GDPD1: variants seen among roughly 807,000 people sequenced by gnomAD.
GDPD1 encodes lysophospholipase D GDPD1.
Under a neutral mutation model 45.1 loss-of-function variants are expected in GDPD1, and 28 were observed. That is an observed-to-expected ratio of 0.62 (90% CI 0.46 to 0.85). The LOEUF is 0.85. GDPD1 is among the 40% of genes least tolerant of loss of function. GDPD1 has a pLI of 0.00. For synonymous variants in GDPD1, 139 were observed against 131.4 expected (o/e 1.06, Z -0.40); for missense variants, 256 against 364.8 (o/e 0.70, Z 2.43).
chr17:59,233,845 T>C (rs1568339409), intron 1 of GDPD1, among the ~76,000 whole-genome samples: 1 of 152,208 alleles, frequency 6.6e-6, no homozygotes. Flanking sequence ...TGGTTCAGTG[T>C]ACACAAACTT....
chr17:59,263,483 C>CTTTTTTTTTTTTTTTTTTTTTT (rs537639356), intron 6 of GDPD1, among the ~76,000 whole-genome samples: 3 of 120,320 alleles, frequency 2.5e-5, no homozygotes, highest in African/African-American at 9.4e-5. Flanking sequence ...TTTTCCTTTC[C>CTTTTTTTTTTTTTTTTTTTTTT]TTTTTTTTTT....
At chr17:59,231,173 T>C (rs2047086325) in intron 1 of GDPD1, among the ~76,000 whole-genome samples, 1 of 152,182 alleles carries the variant, frequency 6.6e-6, no homozygotes, top group Non-Finnish European at 1.5e-5. Context: ...TGTTACTCCT[T>C]GATAACTGTT....
Position 59,255,784 on chromosome 17 carries a change from T to TAC in GDPD1, c.368-1337_368-1336dup, listed in dbSNP as rs1555724179. 7.7e-3 allele frequency among the ~76,000 whole-genome samples: 444 copies of TAC among 57,982 alleles called. 16 individuals are homozygous for TAC. Among genetic ancestry groups the TAC allele is most frequent in the South Asian group, 0.023 (35 of 1,554 alleles). 38.0% of individuals were successfully genotyped at this position (57,982 alleles called of 152,430 possible). On this transcript the variant is annotated intron_variant, in intron 4 of 9. Coordinates refer to ENST00000284116, the MANE Select transcript of GDPD1 (RefSeq NM_182569.4). ...AAAAATATATATATATATATATATA[T>TAC]ACGCGTATATATGTATATATATATA...
chr17:59,272,219 C>A (rs941669239), intron 8 of GDPD1, among the ~76,000 whole-genome samples: 4 of 152,078 alleles, frequency 2.6e-5, no homozygotes, highest in Non-Finnish European at 5.9e-5. Flanking sequence ...GCAATGAATT[C>A]CTATCTTGCT....
At position 59,257,799 on chromosome 17, in the gene GDPD1, G is replaced by A. The variant is rs1161799106; in HGVS notation, c.535G>A (p.Gly179Ser). 6.2e-7 allele frequency: 1 copy of A among 1,605,312 alleles called. No individual in the cohort carries two copies. Among genetic ancestry groups the A allele is most frequent in the Non-Finnish European group, 8.5e-7 (1 of 1,176,228 alleles). The part of the protein sequence containing the change: ...RYNREHLTVW[G>S]NANYEIVEKC... ...TAATCGAGAACACTTAACAGTGTGG[G>A]GTAATGCCAATTATGAAATTGTAGA... The change falls in exon 6 of 10, where the codon GGT becomes AGT. Residue 179 changes from glycine (G) to serine (S), a missense_variant. Coordinates refer to ENST00000284116, the MANE Select transcript of GDPD1 (RefSeq NM_182569.4).
chr17:59,230,366 T>C (rs1435670442), intron 1 of GDPD1, among the ~76,000 whole-genome samples: 1 of 143,980 alleles, frequency 6.9e-6, no homozygotes, highest in Non-Finnish European at 1.5e-5. Flanking sequence ...AGGCCAGTTG[T>C]AGAATTTTTT....
chr17:59,236,187 A>G (rs1242710475), intron 2 of GDPD1, among the ~76,000 whole-genome samples: 1 of 152,194 alleles, frequency 6.6e-6, no homozygotes, highest in Non-Finnish European at 1.5e-5. Context: ...ACAATAAGTT[A>G]TTTTAAAGGA....
intron 6 of GDPD1, among the ~76,000 whole-genome samples, chr17:59,264,622 T>C (rs1379656420): frequency 6.6e-6 from 1 of 151,940 alleles, no homozygotes; most frequent in African/African-American, 2.4e-5. Flanking sequence ...CCTAACCCTG[T>C]TTTCCCATAA....
At position 59,255,813 on chromosome 17, in the gene GDPD1, G is replaced by A. The variant is rs796195479; in HGVS notation, c.368-1309G>A. On this transcript the variant is annotated intron_variant, in intron 4 of 9. Transcript: ENST00000284116. ...CGTATATATGTATATATATATATACGCGTATATATATATACGCGTATATAT... is the reference window on the plus strand; with the variant it reads ...CGTATATATGTATATATATATATACACGTATATATATATACGCGTATATAT... 2.7e-3 allele frequency among the ~76,000 whole-genome samples: 95 copies of A among 35,578 alleles called. 3 individuals are homozygous for A. The highest frequency in any genetic ancestry group is 0.014 in the African/African-American group (75 of 5,232). The allele number at this position is 35,578 out of a possible 152,430, so 23.3% of individuals were successfully genotyped here. A position where few individuals can be genotyped will look rare whatever the true frequency, so the allele number is the denominator to read the frequency against.
In GDPD1 at chr17:59,248,754, C is replaced by T; in HGVS notation, c.336C>T (p.Tyr112=). 6.2e-7 allele frequency: 1 copy of T among 1,603,670 alleles called. No homozygotes were observed. Among genetic ancestry groups the T allele is most frequent in the Non-Finnish European group, 8.5e-7 (1 of 1,174,734 alleles). Residue 112 remains tyrosine, a synonymous_variant, in exon 4 of 10, where the codon TAC becomes TAT. Coordinates refer to ENST00000284116, the MANE Select transcript of GDPD1 (RefSeq NM_182569.4). ...TCTTTTTAAAGGAGCTCCCACCTTACCTTGGCAAACTGGATGTCTCATTTC... is the reference window on the plus strand; with the variant it reads ...TCTTTTTAAAGGAGCTCCCACCTTATCTTGGCAAACTGGATGTCTCATTTC... The part of the protein sequence containing the change: ...SDLKYCELPP[Y]LGKLDVSFQR...
At chr17:59,245,073 A>T (rs1257868809) in intron 2 of GDPD1, among the ~76,000 whole-genome samples, 1 of 152,212 alleles carries the variant, frequency 6.6e-6, no homozygotes, top group Non-Finnish European at 1.5e-5. Flanking sequence ...AGAAGTGAAA[A>T]TGTAGTCCCT....
At chr17:59,248,615 G>A (rs2047230397) in intron 3 of GDPD1, 125 bp from the exon 4 acceptor site, 3 of 638,164 alleles carry the variant, frequency 4.7e-6, no homozygotes, top group Non-Finnish European at 8.2e-6. Flanking sequence ...TCTGCTAAGG[G>A]TGCCTAGTAA....
intron 1 of GDPD1, among the ~76,000 whole-genome samples, chr17:59,222,541 TTTCCC>T (rs2047014644): frequency 7.8e-6 from 1 of 128,946 alleles, no homozygotes; most frequent in Admixed American, 8.5e-5. Flanking sequence ...TGAGACAGAG[TTTCCC>T]TCTTGTCGCC....
chr17:59,269,024 C>T (rs1299771194), intron 7 of GDPD1, among the ~76,000 whole-genome samples: 5 of 151,306 alleles, frequency 3.3e-5, no homozygotes, highest in Non-Finnish European at 7.4e-5. Flanking sequence ...ATTGGCCGGG[C>T]GTGGTGGCTC....
In GDPD1 at chr17:59,270,959, C is replaced by T; in HGVS notation, c.734C>T (p.Ser245Phe). The change falls in exon 8 of 10, where the codon TCC becomes TTC. Residue 245 changes from serine to phenylalanine, a missense_variant. Physicochemically the swap from Ser to Phe is radical, Grantham distance 155 (BLOSUM62 -2). Coordinates refer to ENST00000284116, the MANE Select transcript of GDPD1 (RefSeq NM_182569.4). ...ILKLKEPHTM[S>F]RSQKFLIWLS... The stretch of plus-strand genomic sequence containing the variant: ...AGGCTAAAAGAACCACACACCATGT[C>T]CAGAAGTCAAAAGTTTCTCATCTGG... 6.2e-7 allele frequency: 1 copy of T among 1,604,528 alleles called. No homozygotes were observed. Among genetic ancestry groups the T allele is most frequent in the Non-Finnish European group, 8.5e-7 (1 of 1,174,184 alleles).
chr17:59,255,837 AT>A (rs2047301330), intron 4 of GDPD1, among the ~76,000 whole-genome samples: 1 of 89,374 alleles, frequency 1.1e-5, no homozygotes, highest in African/African-American at 7.0e-5. Context: ...ACGCGTATAT[AT>A]ATATATATAT....
intron 4 of GDPD1, among the ~76,000 whole-genome samples, chr17:59,255,827 ACGCG>A (rs1201995091): frequency 5.8e-4 from 32 of 54,864 alleles, no homozygotes; most frequent in African/African-American, 4.2e-3. Flanking sequence ...ATATATATAT[ACGCG>A]TATATATATA....
At position 59,245,597 on chromosome 17, in the gene GDPD1, T is replaced by A. The variant is rs778141853; in HGVS notation, c.321+48T>A. 8.2e-6 allele frequency: 12 copies of A among 1,467,554 alleles called. No individual in the cohort carries two copies. In the East Asian group the frequency reaches 2.8e-4, roughly 34 times the overall value. 90.9% of individuals were successfully genotyped at this position (1,467,554 alleles called of 1,614,324 possible). ...CTAATATCTAATAGATGTCGCGGCC[T>A]ATAAGATTTTTTTTAAAATAGCGAA... On this transcript the variant is annotated intron_variant, in intron 3 of 9. Transcript: ENST00000284116.
At chr17:59,231,324 CTTTTTTTTT>C (rs557850341) in intron 1 of GDPD1, among the ~76,000 whole-genome samples, 1 of 114,422 alleles carries the variant, frequency 8.7e-6, no homozygotes, top group Non-Finnish European at 1.7e-5. Flanking sequence ...TTCTTTCTTT[CTTTTTTTTT>C]TTTTTTTTTT....
Sources: gnomAD v4.1 joint callset for allele counts (sites outside exome capture counted in the v4.1 genomes callset) on GRCh38, gnomAD v4.1.1 for gene constraint, MANE v1.5 for transcripts, NCBI Gene and HGNC (gene_info 2026-07-23, HGNC 2026-07-21) for gene names.